Variants in SGPP1 observed in about 807,000 individuals in gnomAD.
SGPP1 encodes the protein sphingosine-1-phosphate phosphatase 1, also known as hSPP1.
Under a neutral mutation model 33.0 loss-of-function variants are expected in SGPP1, and 21 were observed. The ratio of observed to expected loss-of-function variants is 0.64; its 90% CI spans 0.45 to 0.92. The LOEUF (loss-of-function observed/expected upper bound fraction) is 0.92. SGPP1 is among the 40% of genes least tolerant of loss of function. The pLI is 0.00. For synonymous variants in SGPP1, 239 were observed against 241.2 expected, an observed-to-expected ratio of 0.99 and a Z score of 0.08; for missense variants, 543 against 589.4, an observed-to-expected ratio of 0.92 and a Z score of 0.81.
intron 1 of SGPP1, among the ~76,000 whole-genome samples, chr14:63,703,655 C>CAAAA (rs36065588): frequency 1.0e-3 from 39 of 38,894 alleles, no homozygotes; most frequent in Non-Finnish European, 1.9e-3. Flanking sequence ...GACTCCATCT[C>CAAAA]AAAAAAAAAA....
intron 1 of SGPP1, among the ~76,000 whole-genome samples, chr14:63,715,634 G>A (rs1397347167): frequency 6.6e-6 from 1 of 152,134 alleles, no homozygotes; most frequent in African/African-American, 2.4e-5. Context: ...GAGTCCAGCA[G>A]TTTCCCTGAG....
chr14:63,725,819 G>A (rs1004574708), intron 1 of SGPP1, among the ~76,000 whole-genome samples: 1 of 152,122 alleles, frequency 6.6e-6, no homozygotes, highest in African/African-American at 2.4e-5. Flanking sequence ...CATCATAAAA[G>A]GCTCTATTGT....
chr14:63,725,388 G>C (rs1333214802), intron 1 of SGPP1, among the ~76,000 whole-genome samples: 2 of 152,172 alleles, frequency 1.3e-5, no homozygotes, highest in Non-Finnish European at 2.9e-5. Context: ...CTTTCTTTCA[G>C]AACAACTAAC....
At chr14:63,722,782 A>G (rs1782771299) in intron 1 of SGPP1, among the ~76,000 whole-genome samples, 1 of 151,722 alleles carries the variant, frequency 6.6e-6, no homozygotes, top group Admixed American at 6.6e-5. Context: ...CCTAAGCAAC[A>G]TGGCAAAACC....
At chr14:63,712,975 C>T (rs982158076) in intron 1 of SGPP1, among the ~76,000 whole-genome samples, 1 of 151,558 alleles carries the variant, frequency 6.6e-6, no homozygotes, top group Non-Finnish European at 1.5e-5. Flanking sequence ...TGGTTTCGAG[C>T]TCCTGGGCTC....
At chr14:63,725,338 C>A (rs1242715213) in intron 1 of SGPP1, among the ~76,000 whole-genome samples, 1 of 152,222 alleles carries the variant, frequency 6.6e-6, no homozygotes, top group Non-Finnish European at 1.5e-5. Flanking sequence ...TGCACCACTG[C>A]ACTCCAGCCT....
Position 63,727,626 on chromosome 14 carries a change from C to G in SGPP1, c.319G>C (p.Ala107Pro), listed in dbSNP as rs761781978. The G allele has an allele frequency of 7.0e-6, 10 of 1,434,610 alleles. No individual in the cohort carries two copies. Among genetic ancestry groups the G allele is most frequent in the Middle Eastern group, 2.0e-4 (1 of 5,082 alleles). 88.9% of individuals were successfully genotyped at this position (1,434,610 alleles called of 1,614,324 possible). A position where few individuals can be genotyped will look rare whatever the true frequency, so the allele number is the denominator to read the frequency against. The change falls in exon 1 of 3, where the codon GCT (alanine) becomes CCT (proline). Residue 107 changes from alanine (A) to proline (P), a missense_variant. Ala to Pro is a conservative substitution (Grantham distance 27). Coordinates refer to ENST00000247225, the MANE Select transcript of SGPP1 (RefSeq NM_030791.4). Reference sequence around the variant, plus strand: ...CCCGTCAGCGAGTTGCGGCGCAGAGCGCCCGCGCGCCGCGGCGAGGCCGGG... The same window carrying G: ...CCCGTCAGCGAGTTGCGGCGCAGAGGGCCCGCGCGCCGCGGCGAGGCCGGG... ...LGPASPRRAGALRRNSLTGEE... is the reference protein window; with the variant it reads ...LGPASPRRAGPLRRNSLTGEE...
chr14:63,725,689 T>G (rs1595075390), intron 1 of SGPP1, among the ~76,000 whole-genome samples: 1 of 152,218 alleles, frequency 6.6e-6, no homozygotes, highest in Non-Finnish European at 1.5e-5. Flanking sequence ...GATTCAGCAG[T>G]ACTGTTTTCA....
chr14:63,727,810 C>G lies in SGPP1; in HGVS notation c.135G>C (p.Ala45=), dbSNP rs1476182404. The G allele has an allele frequency of 6.6e-7, 1 of 1,507,070 alleles. No homozygotes were observed. The highest frequency in any genetic ancestry group is 1.4e-5 in the African/African-American group (1 of 69,532). 93.4% of individuals were successfully genotyped at this position (1,507,070 alleles called of 1,614,324 possible). The change falls in exon 1 of 3, where the codon GCG becomes GCC. Residue 45 remains alanine, a synonymous_variant. Transcript: ENST00000247225. ...GAGGGTCTCCGGCGAGAGGCGCCTC[C>G]GCTTTCTCATCCTCCCTCCGGTCTG... The part of the protein sequence containing the change: ...RSADRREDEK[A]EAPLAGDPRL...
chr14:63,727,041 G>A (rs1264863423), intron 1 of SGPP1, among the ~76,000 whole-genome samples: 2 of 152,072 alleles, frequency 1.3e-5, no homozygotes, highest in East Asian at 3.8e-4. Context: ...CATTAAATTG[G>A]AATTTAATAT....
chr14:63,719,723 C>T (rs1229996592), intron 1 of SGPP1, among the ~76,000 whole-genome samples: 1 of 147,118 alleles, frequency 6.8e-6, no homozygotes, highest in African/African-American at 2.7e-5. Flanking sequence ...GTTTGCCTCT[C>T]TCCCTCTCTC....
intron 1 of SGPP1, among the ~76,000 whole-genome samples, chr14:63,701,492 A>G (rs1885299035): frequency 6.6e-6 from 1 of 152,136 alleles, no homozygotes; most frequent in African/African-American, 2.4e-5. Flanking sequence ...AATGGAGGTG[A>G]GGTGAGTATA....
At chr14:63,688,291 G>C (rs933020565) in intron 2 of SGPP1, among the ~76,000 whole-genome samples, 3 of 139,800 alleles carry the variant, frequency 2.1e-5, no homozygotes, top group Non-Finnish European at 4.5e-5. Context: ...ACTCCAGCCT[G>C]GGTGACAGAG....
At chr14:63,688,146 G>GTACA (rs985977327) in intron 2 of SGPP1, among the ~76,000 whole-genome samples, 17 of 149,360 alleles carry the variant, frequency 1.1e-4, no homozygotes, top group African/African-American at 4.2e-4. Flanking sequence ...AAATAAATAA[G>GTACA]TACATACATA....
intron 2 of SGPP1, among the ~76,000 whole-genome samples, chr14:63,694,599 T>C (rs368142280): frequency 1.8e-4 from 27 of 152,294 alleles, no homozygotes; most frequent in African/African-American, 4.6e-4. Context: ...TCCTATCCAA[T>C]AGAATCAGAA....
At chr14:63,725,262 C>T (rs967829811) in intron 1 of SGPP1, among the ~76,000 whole-genome samples, 1 of 152,084 alleles carries the variant, frequency 6.6e-6, no homozygotes, top group African/African-American at 2.4e-5. Context: ...GTAATCCCAG[C>T]TACTCGGGAG....
At chr14:63,707,133 G>A (rs1885425428) in intron 1 of SGPP1, among the ~76,000 whole-genome samples, 1 of 150,880 alleles carries the variant, frequency 6.6e-6, no homozygotes, top group South Asian at 2.1e-4. Flanking sequence ...CTCAATCTAC[G>A]GTTTTGACCT....
At chr14:63,687,659 C>G (rs1375704928) in intron 2 of SGPP1, among the ~76,000 whole-genome samples, 1 of 152,140 alleles carries the variant, frequency 6.6e-6, no homozygotes, top group Non-Finnish European at 1.5e-5. Flanking sequence ...GAGGGAATAT[C>G]AAGTGCAAAG....
chr14:63,708,778 C>T (rs975172255), intron 1 of SGPP1, among the ~76,000 whole-genome samples: 2 of 152,114 alleles, frequency 1.3e-5, no homozygotes, highest in African/African-American at 4.8e-5. Context: ...TATGGCGTAG[C>T]TATTCTAATT....
Sources: gnomAD v4.1 joint callset for allele counts (sites outside exome capture counted in the v4.1 genomes callset) on GRCh38, gnomAD v4.1.1 for gene constraint, MANE v1.5 for transcripts, NCBI Gene and HGNC (gene_info 2026-07-23, HGNC 2026-07-21) for gene names.